KIFAP3: variants seen among roughly 807,000 people sequenced by gnomAD.
KIFAP3 encodes the protein kinesin associated protein 3.
KIFAP3 carries 68 observed loss-of-function variants against 106.5 expected under a neutral mutation model. That is an observed-to-expected ratio of 0.64 (90% CI 0.53 to 0.78). The LOEUF is 0.78. KIFAP3 is among the 30% of genes least tolerant of loss of function. KIFAP3 has a pLI of 0.00. For synonymous variants in KIFAP3, 320 were observed against 311.5 expected (o/e 1.03, Z -0.29); for missense variants, 780 against 941.8 (o/e 0.83, Z 2.25).
At chr1:170,079,535 A>G (rs1194954015), upstream of KIFAP3, among the ~76,000 whole-genome samples, 1 of 152,158 alleles carries the variant, frequency 6.6e-6, no homozygotes, top group African/African-American at 2.4e-5. Context: ...ACTATTAGCA[A>G]TCTAAGAATA....
intron 15 of KIFAP3, among the ~76,000 whole-genome samples, chr1:169,979,129 C>A (rs1224470868): frequency 6.6e-6 from 1 of 152,110 alleles, no homozygotes; most frequent in Non-Finnish European, 1.5e-5. Context: ...TGTGTCAGAT[C>A]ACTTTATGAA....
intron 19 of KIFAP3, among the ~76,000 whole-genome samples, chr1:169,942,909 C>T (rs534943923): frequency 6.4e-5 from 2 of 31,432 alleles, no homozygotes; most frequent in African/African-American, 1.0e-4. Context: ...GTTTTAAAGA[C>T]GCCCCCCCCC....
chr1:169,988,738 T>A (rs78540770), intron 11 of KIFAP3, among the ~76,000 whole-genome samples: 5 of 152,122 alleles, frequency 3.3e-5, no homozygotes, highest in East Asian at 1.9e-4. Context: ...AACTTGGCAC[T>A]GGGTGGCAAT....
At chr1:169,968,488 A>G (rs192885554) in intron 17 of KIFAP3, among the ~76,000 whole-genome samples, 147 of 152,010 alleles carry the variant, frequency 9.7e-4, no homozygotes, top group African/African-American at 3.5e-3. Context: ...TTGAGACTGT[A>G]ATATGGTTTA....
At chr1:169,988,491 C>G (rs1186583626) in intron 11 of KIFAP3, among the ~76,000 whole-genome samples, 4 of 151,866 alleles carry the variant, frequency 2.6e-5, no homozygotes, top group African/African-American at 9.7e-5. Flanking sequence ...TGCATAATTA[C>G]AAACGAACAG....
At chr1:169,949,859 A>G (rs139569592) in intron 19 of KIFAP3, among the ~76,000 whole-genome samples, 1 of 152,226 alleles carries the variant, frequency 6.6e-6, no homozygotes, top group Non-Finnish European at 1.5e-5. Flanking sequence ...ATAGTGACAC[A>G]TGTCTAAAAC....
At chr1:169,929,541 T>C (rs1288767773) in intron 19 of KIFAP3, among the ~76,000 whole-genome samples, 2 of 152,178 alleles carry the variant, frequency 1.3e-5, no homozygotes, top group African/African-American at 2.4e-5. Context: ...TCTTTGGACT[T>C]GAACTTTTGT....
intron 10 of KIFAP3, among the ~76,000 whole-genome samples, chr1:170,014,192 C>T (rs1452917685): frequency 6.6e-6 from 1 of 152,180 alleles, no homozygotes; most frequent in Non-Finnish European, 1.5e-5. Flanking sequence ...ATTAATTTCC[C>T]TTGAGCAGAT....
chr1:169,981,862 A>G, intron 15 of KIFAP3, 110 bp downstream of exon 15: 2 of 855,280 alleles, frequency 2.3e-6, no homozygotes, highest in South Asian at 4.1e-5. Flanking sequence ...TTGCTATGAA[A>G]CAATTAATGT....
intron 10 of KIFAP3, among the ~76,000 whole-genome samples, chr1:169,998,380 AG>A (rs2101951720): frequency 5.9e-5 from 1 of 17,058 alleles, no homozygotes; most frequent in South Asian, 2.0e-3. Context: ...GTGCTTCACC[AG>A]ATATATATAT....
chr1:169,959,268 A>T (rs1020718099), intron 18 of KIFAP3, among the ~76,000 whole-genome samples: 2 of 152,216 alleles, frequency 1.3e-5, no homozygotes, highest in Non-Finnish European at 2.9e-5. Context: ...TTTCCATGAG[A>T]CACATCAAGA....
At chr1:169,972,424 C>G in intron 17 of KIFAP3, 89 bp downstream of exon 17, 3 of 687,830 alleles carry the variant, frequency 4.4e-6, no homozygotes, top group Non-Finnish European at 7.7e-6. Flanking sequence ...TGGGTTTACA[C>G]TGAATGCATT....
chr1:170,056,357 G>A (rs903341602), intron 1 of KIFAP3, among the ~76,000 whole-genome samples: 4 of 152,124 alleles, frequency 2.6e-5, no homozygotes, highest in Non-Finnish European at 5.9e-5. Flanking sequence ...CTATGGAAAG[G>A]TTGTATATAC....
chr1:169,938,118 A>T (rs1197128051), intron 19 of KIFAP3, among the ~76,000 whole-genome samples: 1 of 151,992 alleles, frequency 6.6e-6, no homozygotes, highest in African/African-American at 2.4e-5. Flanking sequence ...TTGGGACATT[A>T]TAAGAGTTGC....
At chr1:170,023,983 C>G (rs1236765641) in intron 9 of KIFAP3, 1 of 152,284 alleles carries the variant, frequency 6.6e-6, no homozygotes. Flanking sequence ...CCAAGTAGAA[C>G]AGCAGGTAAC....
chr1:170,061,708 A>C (rs1671166747), intron 1 of KIFAP3, among the ~76,000 whole-genome samples: 1 of 152,122 alleles, frequency 6.6e-6, no homozygotes, highest in Admixed American at 6.6e-5. Flanking sequence ...AAAGACACAC[A>C]CACACATATA....
Position 170,016,481 on chromosome 1 carries a change from G to T in KIFAP3, c.1164C>A (p.Pro388=), listed in dbSNP as rs781215774. Reference sequence around the variant, plus strand: ...GCATACCTAGGAGTGCAGTGAGCTTGGGAAGCAGTCCAACTTGTACCATCT... The same window carrying T: ...GCATACCTAGGAGTGCAGTGAGCTTTGGAAGCAGTCCAACTTGTACCATCT... ...RNKMVQVGLL[P]KLTALLGNDN... The change falls in exon 10 of 20, where the codon CCC becomes CCA. Residue 388 remains proline, a synonymous_variant. Transcript: ENST00000361580. 1.4e-5 allele frequency: 22 copies of T among 1,605,040 alleles called. No individual in the cohort carries two copies. The highest frequency in any genetic ancestry group is 1.8e-5 in the Non-Finnish European group (21 of 1,176,566).
intron 1 of KIFAP3, among the ~76,000 whole-genome samples, chr1:170,063,442 A>G (rs1252709982): frequency 6.6e-6 from 1 of 152,170 alleles, no homozygotes; most frequent in Non-Finnish European, 1.5e-5. Context: ...ATCATCCCCA[A>G]GTCAATCAAT....
chr1:170,060,997 A>G (rs1201788150), intron 1 of KIFAP3, among the ~76,000 whole-genome samples: 1 of 152,232 alleles, frequency 6.6e-6, no homozygotes, highest in African/African-American at 2.4e-5. Context: ...CTTACACCTT[A>G]TACAAAAATT....
Sources: allele counts gnomAD v4.1 joint callset (sites outside exome capture counted in the v4.1 genomes callset), GRCh38; gene constraint gnomAD v4.1.1; transcripts MANE v1.5; gene names NCBI Gene and HGNC (gene_info 2026-07-23, HGNC 2026-07-21).